The following MIPOL1 variants were observed in gnomAD, a reference collection of about 807,000 sequenced individuals.
The protein encoded by MIPOL1 is mirror-image polydactyly gene 1 protein.
Under a neutral mutation model 60.9 loss-of-function variants are expected in MIPOL1, and 57 were observed. That is an observed-to-expected ratio of 0.94 (90% confidence interval 0.76 to 1.17). The LOEUF (loss-of-function observed/expected upper bound fraction) is 1.17. MIPOL1 is among the 50% of genes most tolerant of loss of function. The pLI is 0.00. For missense variants in MIPOL1, 551 were observed against 511.6 expected (o/e 1.08, Z -0.74); for synonymous variants, 179 against 168.8 (o/e 1.06, Z -0.47).
At chr14:37,537,380 T>C (rs996384424) in intron 12 of MIPOL1, among the ~76,000 whole-genome samples, 1 of 152,178 alleles carries the variant, frequency 6.6e-6, no homozygotes, top group African/African-American at 2.4e-5. Flanking sequence ...ACTTTGGCTT[T>C]CTACATCCCT....
intron 10 of MIPOL1, among the ~76,000 whole-genome samples, chr14:37,397,850 C>A (rs2093405620): frequency 6.6e-6 from 1 of 152,120 alleles, no homozygotes; most frequent in African/African-American, 2.4e-5. Flanking sequence ...AAGTCTGTTT[C>A]CAGGCAGTGA....
intron 3 of MIPOL1, among the ~76,000 whole-genome samples, chr14:37,263,054 G>C: frequency 6.6e-6 from 1 of 152,180 alleles, no homozygotes; most frequent in East Asian, 1.9e-4. Context: ...GCATCAATCT[G>C]AGTATAGTAT....
chr14:37,344,220 A>G (rs2090777420), intron 9 of MIPOL1, among the ~76,000 whole-genome samples: 1 of 152,104 alleles, frequency 6.6e-6, no homozygotes, highest in Non-Finnish European at 1.5e-5. Flanking sequence ...TCTATAAATA[A>G]GAATCACACA....
At chr14:37,350,780 G>T (rs1296677566) in intron 9 of MIPOL1, among the ~76,000 whole-genome samples, 1 of 151,988 alleles carries the variant, frequency 6.6e-6, no homozygotes, top group African/African-American at 2.4e-5. Flanking sequence ...GTGTCCATGA[G>T]TTCAATTGTT....
intron 3 of MIPOL1, among the ~76,000 whole-genome samples, chr14:37,259,584 A>C (rs1377130928): frequency 1.3e-5 from 2 of 151,998 alleles, no homozygotes; most frequent in East Asian, 3.9e-4. Flanking sequence ...AACAAAAAAA[A>C]CATAAGAAAT....
chr14:37,467,773 G>A (rs1298535412), intron 11 of MIPOL1, among the ~76,000 whole-genome samples: 4 of 152,026 alleles, frequency 2.6e-5, no homozygotes, highest in Admixed American at 1.3e-4. Context: ...AGAGATTTTT[G>A]GCCGGGTGCG....
intron 1 of MIPOL1, among the ~76,000 whole-genome samples, chr14:37,220,422 T>TAA (rs1474143642): frequency 6.6e-6 from 1 of 152,222 alleles, no homozygotes; most frequent in Non-Finnish European, 1.5e-5. Context: ...ATACTTTTAT[T>TAA]ATCTTTTAAG....
At chr14:37,342,091 G>A (rs528334702) in intron 9 of MIPOL1, among the ~76,000 whole-genome samples, 3 of 152,166 alleles carry the variant, frequency 2.0e-5, no homozygotes, top group Non-Finnish European at 4.4e-5. Context: ...GCTGGGTGGA[G>A]TGGCTCATGC....
intron 12 of MIPOL1, among the ~76,000 whole-genome samples, chr14:37,527,847 A>G (rs2095457130): frequency 6.6e-6 from 1 of 152,072 alleles, no homozygotes. Flanking sequence ...CCTAATATAT[A>G]TATTTAGTAT....
chr14:37,498,562 A>T (rs1024482116), intron 11 of MIPOL1, among the ~76,000 whole-genome samples: 1 of 152,144 alleles, frequency 6.6e-6, no homozygotes, highest in Non-Finnish European at 1.5e-5. Flanking sequence ...GTTGGTAGAA[A>T]AATCTGAGAA....
At chr14:37,297,965 G>A (rs1438728853) in intron 7 of MIPOL1, among the ~76,000 whole-genome samples, 1 of 152,042 alleles carries the variant, frequency 6.6e-6, no homozygotes, top group African/African-American at 2.4e-5. Flanking sequence ...AAGTTCATGT[G>A]GAAGCAAAAA....
intron 10 of MIPOL1, among the ~76,000 whole-genome samples, chr14:37,408,807 T>G (rs963217648): frequency 2.6e-5 from 4 of 152,204 alleles, no homozygotes; most frequent in Non-Finnish European, 5.9e-5. Flanking sequence ...GGGACCCTCC[T>G]GTTGCTAAAC....
chr14:37,362,714 G>A (rs569575756), intron 9 of MIPOL1, among the ~76,000 whole-genome samples: 1 of 152,132 alleles, frequency 6.6e-6, no homozygotes, highest in Non-Finnish European at 1.5e-5. Flanking sequence ...TTCCAACTTG[G>A]TTTCATTCTC....
chr14:37,400,839 T>A (rs1202456631), intron 10 of MIPOL1: 1 of 152,126 alleles, frequency 6.6e-6, no homozygotes, highest in African/African-American at 2.4e-5. Flanking sequence ...TTTTGAAATG[T>A]GCTCAGGGAA....
intron 11 of MIPOL1, among the ~76,000 whole-genome samples, chr14:37,471,698 A>G (rs1476519461): frequency 2.6e-5 from 4 of 152,110 alleles, no homozygotes; most frequent in Non-Finnish European, 5.9e-5. Flanking sequence ...TGCTCTCTGA[A>G]CACTGCCTAA....
intron 9 of MIPOL1, among the ~76,000 whole-genome samples, chr14:37,335,072 T>G (rs1219252898): frequency 6.6e-6 from 1 of 152,090 alleles, no homozygotes; most frequent in Non-Finnish European, 1.5e-5. Context: ...AACATTTTGT[T>G]GAACTACCAA....
At chr14:37,343,365 G>C (rs1472231350) in intron 9 of MIPOL1, among the ~76,000 whole-genome samples, 1 of 152,052 alleles carries the variant, frequency 6.6e-6, no homozygotes, top group African/African-American at 2.4e-5. Flanking sequence ...ATCTAAAATG[G>C]AGTGATTTTT....
At chr14:37,456,689 C>T (rs916252290) in intron 11 of MIPOL1, among the ~76,000 whole-genome samples, 6 of 152,002 alleles carry the variant, frequency 3.9e-5, no homozygotes, top group Non-Finnish European at 7.4e-5. Flanking sequence ...AAAGAGATCT[C>T]GTAGTTGTAT....
chr14:37,429,629 C>T (rs969839727), intron 11 of MIPOL1, among the ~76,000 whole-genome samples: 1 of 151,906 alleles, frequency 6.6e-6, no homozygotes, highest in Non-Finnish European at 1.5e-5. Flanking sequence ...TTGTAGTATA[C>T]ATTTAAAAGT....
Sources: gnomAD v4.1 joint callset for allele counts (sites outside exome capture counted in the v4.1 genomes callset) on GRCh38, gnomAD v4.1.1 for gene constraint, MANE v1.5 for transcripts, NCBI Gene and HGNC (gene_info 2026-07-23, HGNC 2026-07-21) for gene names.